FMNL3: variants seen among roughly 807,000 people sequenced by gnomAD.
The protein encoded by FMNL3 is formin like 3.
In FMNL3, 57 loss-of-function variants were observed where a neutral mutation model predicts 119.6. The ratio of observed to expected loss-of-function variants is 0.48; its 90% confidence interval spans 0.39 to 0.59. The LOEUF (loss-of-function observed/expected upper bound fraction) is 0.59. Among genes scored for constraint, FMNL3 ranks in the 20% least tolerant of loss-of-function variants. The pLI is 0.00. For synonymous variants in FMNL3, 491 were observed against 507.3 expected, an observed-to-expected ratio of 0.97 and a Z score of 0.43; for missense variants, 1,053 against 1,323.5, an observed-to-expected ratio of 0.80 and a Z score of 3.17.
intron 1 of FMNL3, among the ~76,000 whole-genome samples, chr12:49,690,108 T>C (rs1944563619): frequency 6.6e-6 from 1 of 152,224 alleles, no homozygotes; most frequent in Non-Finnish European, 1.5e-5. Context: ...ATTCCCACAT[T>C]ACAGATAAAA....
chr12:49,706,187 C>T (rs1475540132), intron 1 of FMNL3, among the ~76,000 whole-genome samples: 1 of 152,182 alleles, frequency 6.6e-6, no homozygotes, highest in African/African-American at 2.4e-5. Context: ...AGCTCAGAAC[C>T]TCTCGCTTCA....
At position 49,641,841 on chromosome 12, in the gene FMNL3, C is replaced by T; in HGVS notation, c.*3974G>A. The T allele has an allele frequency of 6.0e-6, 8 of 1,343,740 alleles. No individual in the cohort carries two copies. The highest frequency in any genetic ancestry group is 8.5e-6 in the Non-Finnish European group (8 of 941,610). The allele number at this position is 1,343,740 out of a possible 1,614,324, so 83.2% of individuals were successfully genotyped here. Reference sequence around the variant, plus strand: ...CCTTCTTGACCATCTGTAATGTGACCACTCTGCCTGCCAGCTTTGGCCTCA... The same window carrying T: ...CCTTCTTGACCATCTGTAATGTGACTACTCTGCCTGCCAGCTTTGGCCTCA... On this transcript the variant is annotated 3_prime_UTR_variant, in exon 26 of 26. Transcript: ENST00000335154.
intron 6 of FMNL3, among the ~76,000 whole-genome samples, chr12:49,658,010 T>C (rs1311729768): frequency 6.6e-6 from 1 of 151,718 alleles, no homozygotes; most frequent in African/African-American, 2.4e-5. Context: ...GCAGCCAGGT[T>C]GGGTGGGAGC....
chr12:49,676,639 T>C (rs779099684), intron 1 of FMNL3, among the ~76,000 whole-genome samples: 3 of 150,268 alleles, frequency 2.0e-5, no homozygotes, highest in Non-Finnish European at 3.0e-5. Flanking sequence ...AGGTGCTTAA[T>C]AAATAAGTGA....
At chr12:49,691,280 C>T (rs953330982) in intron 1 of FMNL3, among the ~76,000 whole-genome samples, 3 of 151,832 alleles carry the variant, frequency 2.0e-5, no homozygotes, top group African/African-American at 7.3e-5. Flanking sequence ...TAAATGTTAG[C>T]TATTAAAATT....
intron 1 of FMNL3, among the ~76,000 whole-genome samples, chr12:49,700,434 G>A (rs1944875248): frequency 6.8e-6 from 1 of 147,398 alleles, no homozygotes; most frequent in African/African-American, 2.5e-5. Context: ...GGTAAGATAC[G>A]CTGGACGCAG....
Position 49,641,945 on chromosome 12 carries a change from A to C in FMNL3, c.*3870T>G. ...TGCGTGGAGGTGAACACGGCCTTTGAGGACTTCGCCCACGTCATAAGCTTT... is the reference window on the plus strand; with the variant it reads ...TGCGTGGAGGTGAACACGGCCTTTGCGGACTTCGCCCACGTCATAAGCTTT... On this transcript the variant is annotated 3_prime_UTR_variant, in exon 26 of 26. Transcript: ENST00000335154. 6.2e-7 allele frequency: 1 copy of C among 1,613,806 alleles called. No homozygotes were observed. The highest frequency in any genetic ancestry group is 8.5e-7 in the Non-Finnish European group (1 of 1,180,030).
chr12:49,668,418 A>T (rs1479519560), intron 2 of FMNL3, 53 bp downstream of exon 2: 1 of 1,578,176 alleles, frequency 6.3e-7, no homozygotes. Context: ...CCACAGCCTT[A>T]GCCAGCCCAA....
In FMNL3 at chr12:49,643,283, A is replaced by C. The variant is rs774553692; in HGVS notation, c.*2532T>G. On this transcript the variant is annotated 3_prime_UTR_variant, in exon 26 of 26. Coordinates refer to ENST00000335154, the MANE Select transcript of FMNL3 (RefSeq NM_175736.5). Reference sequence around the variant, plus strand: ...ATCTCTCCGGCCCCCCAAGCGGAGGAGGCGGAACCCCTCAGAGTCAGGCTC... The same window carrying C: ...ATCTCTCCGGCCCCCCAAGCGGAGGCGGCGGAACCCCTCAGAGTCAGGCTC... 2.6e-5 allele frequency: 42 copies of C among 1,613,610 alleles called. No homozygotes were observed. Among genetic ancestry groups the C allele is most frequent in the South Asian group, 1.8e-4 (16 of 90,994 alleles).
At chr12:49,703,343 T>C (rs566730148) in intron 1 of FMNL3, among the ~76,000 whole-genome samples, 1 of 152,284 alleles carries the variant, frequency 6.6e-6, no homozygotes, top group East Asian at 1.9e-4. Context: ...ACACTGGGAC[T>C]GTATCAGACC....
chr12:49,658,480 G>A lies in FMNL3; in HGVS notation c.567C>T (p.Thr189=), dbSNP rs1288066892. Reference sequence around the variant, plus strand: ...GGCGCGCAGAGCGAGCGAGGCTGTTGGTGAAGGGGGCCGACAGGGCGCTGG... The same window carrying A: ...GGCGCGCAGAGCGAGCGAGGCTGTTAGTGAAGGGGGCCGACAGGGCGCTGG... ...QPPSALSAPF[T]NSLARSARQS... Residue 189 remains threonine, a synonymous_variant, in exon 6 of 26, where the codon ACC becomes ACT. Coordinates refer to ENST00000335154, the MANE Select transcript of FMNL3 (RefSeq NM_175736.5). The A allele has an allele frequency of 3.1e-6, 5 of 1,612,874 alleles. No individual in the cohort carries two copies. The highest frequency in any genetic ancestry group is 1.6e-4 in the Middle Eastern group (1 of 6,076).
rs1306972503 is a variant in FMNL3, at chr12:49,647,024, G to A, written c.2872-15C>T. On this transcript the variant is annotated splice_polypyrimidine_tract_variant and intron_variant, in intron 24 of 25. Transcript: ENST00000335154. The surrounding 1 kb of genome is among the most constrained non-coding windows in gnomAD (Gnocchi z 4.9). ...TGGGATGGGGTCTAGGGCCAAGAAT[G>A]TGGAGGGGAAGGAAGTCATCACTAA... 6.3e-7 allele frequency: 1 copy of A among 1,588,992 alleles called. No individual in the cohort carries two copies. The highest frequency in any genetic ancestry group is 1.8e-5 in the African/African-American group (1 of 55,320).
rs1943058536 is a variant in FMNL3 at position 49,644,334 on chromosome 12, G to A, written c.*1481C>T. On this transcript the variant is annotated 3_prime_UTR_variant, in exon 26 of 26. Transcript: ENST00000335154. ...CCCCACCCCCAGCACACCATTGTTGGCACCTCTCAAGGTTGCTCTTGGTGT... is the reference window on the plus strand; with the variant it reads ...CCCCACCCCCAGCACACCATTGTTGACACCTCTCAAGGTTGCTCTTGGTGT... 2.1e-6 allele frequency: 2 copies of A among 945,478 alleles called. No individual in the cohort carries two copies. Among genetic ancestry groups the A allele is most frequent in the Admixed American group, 4.2e-5 (2 of 48,020 alleles). The allele number at this position is 945,478 out of a possible 1,614,324, so 58.6% of individuals were successfully genotyped here.
chr12:49,648,978 T>G, intron 21 of FMNL3, 51 bp downstream of exon 21: 1 of 1,527,050 alleles, frequency 6.5e-7, no homozygotes, highest in Non-Finnish European at 8.8e-7. Flanking sequence ...CTTCCTGGGA[T>G]TGTCCTGGGC....
Position 49,644,445 on chromosome 12 carries a change from G to A in FMNL3, c.*1370C>T. On this transcript the variant is annotated 3_prime_UTR_variant, in exon 26 of 26. Coordinates refer to ENST00000335154, the MANE Select transcript of FMNL3 (RefSeq NM_175736.5). Reference sequence around the variant, plus strand: ...GGGTGGTATATGCCATGTGGGGTGGGTGATGCCAGTAGATAAAAGTGTGAG... The same window carrying A: ...GGGTGGTATATGCCATGTGGGGTGGATGATGCCAGTAGATAAAAGTGTGAG... The A allele has an allele frequency of 2.0e-6, 1 of 502,766 alleles. No individual in the cohort carries two copies. 31.1% of individuals were successfully genotyped at this position (502,766 alleles called of 1,614,324 possible).
intron 1 of FMNL3, among the ~76,000 whole-genome samples, chr12:49,678,766 A>G (rs1220983357): frequency 6.6e-6 from 1 of 152,164 alleles, no homozygotes; most frequent in Non-Finnish European, 1.5e-5. Flanking sequence ...CCCCACCTTG[A>G]ATTAGTCTTA....
At chr12:49,685,096 C>A (rs1414335981) in intron 1 of FMNL3, among the ~76,000 whole-genome samples, 1 of 152,190 alleles carries the variant, frequency 6.6e-6, no homozygotes, top group Non-Finnish European at 1.5e-5. Flanking sequence ...AACAGCAACT[C>A]TACCACCCCA....
At chr12:49,702,694 A>T (rs543572318) in intron 1 of FMNL3, among the ~76,000 whole-genome samples, 44 of 152,264 alleles carry the variant, frequency 2.9e-4, no homozygotes, top group African/African-American at 1.0e-3. Flanking sequence ...GGTCAAGGGA[A>T]TAAGACTCCT....
chr12:49,704,666 G>A (rs1318939676), intron 1 of FMNL3, among the ~76,000 whole-genome samples: 12 of 143,896 alleles, frequency 8.3e-5, no homozygotes, highest in African/African-American at 2.6e-4. Flanking sequence ...AGCTGAGATC[G>A]TGCTGCCGCA....
Sources: gnomAD v4.1 joint callset for allele counts (sites outside exome capture counted in the v4.1 genomes callset) on GRCh38, gnomAD v4.1.1 for gene constraint, Gnocchi (gnomAD v3.1) non-coding constraint, MANE v1.5 for transcripts, NCBI Gene and HGNC (gene_info 2026-07-23, HGNC 2026-07-21) for gene names.